UTS2B: variants seen among roughly 807,000 people sequenced by gnomAD.
The protein encoded by UTS2B is urotensin-2B.
In UTS2B, 21 loss-of-function variants were observed where a neutral mutation model predicts 19.2. The observed-to-expected ratio is 1.09, with a 90% confidence interval of 0.78 to 1.58. UTS2B has a LOEUF of 1.58. UTS2B is among the 40% of genes most tolerant of loss of function. The probability of loss-of-function intolerance (pLI) is 0.00; values close to 1 mark genes in which losing one functional copy is unlikely to be tolerated. For missense variants in UTS2B, 138 were observed against 130.3 expected (o/e 1.06, Z -0.29); for synonymous variants, 57 against 50.2 (o/e 1.14, Z -0.58).
intron 6 of UTS2B, 84 bp from the exon 7 acceptor site, chr3:191,276,928 G>T (rs1018611147): frequency 3.2e-6 from 4 of 1,241,284 alleles, no homozygotes; most frequent in African/African-American, 3.0e-5. Context: ...AAGATCTTAC[G>T]TAGAAAGCAT....
chr3:191,271,998 T>G (rs1716106689), intron 8 of UTS2B, among the ~76,000 whole-genome samples: 1 of 152,214 alleles, frequency 6.6e-6, no homozygotes, highest in African/African-American at 2.4e-5. Flanking sequence ...TGGGATCATG[T>G]GCATAGCTCT....
intron 5 of UTS2B, among the ~76,000 whole-genome samples, chr3:191,278,800 C>CT (rs1210741751): frequency 1.3e-5 from 2 of 151,984 alleles, no homozygotes; most frequent in Non-Finnish European, 2.9e-5. Flanking sequence ...AGACAAGAGA[C>CT]TTCTAGCAAG....
chr3:191,307,441 G>A (rs919240225), intron 3 of UTS2B, among the ~76,000 whole-genome samples: 4 of 152,118 alleles, frequency 2.6e-5, no homozygotes, highest in Admixed American at 1.3e-4. Context: ...AGAGGAAAAC[G>A]AAAAGTGGAG....
At chr3:191,324,964 C>T (rs1455978765) in intron 2 of UTS2B, among the ~76,000 whole-genome samples, 5 of 152,154 alleles carry the variant, frequency 3.3e-5, no homozygotes, top group Admixed American at 2.6e-4. Context: ...GCATGAGAAT[C>T]GCTTGAACCT....
chr3:191,269,887 G>A (rs750362006), intron 8 of UTS2B, among the ~76,000 whole-genome samples: 1 of 152,354 alleles, frequency 6.6e-6, no homozygotes, highest in Middle Eastern at 3.4e-3. Context: ...ACTGGTGGCA[G>A]AGCCAATTCC....
intron 1 of UTS2B, chr3:191,329,160 C>G (rs1353589675): frequency 6.4e-6 from 1 of 156,652 alleles, no homozygotes; most frequent in Non-Finnish European, 1.4e-5. Context: ...CACCTAAAGA[C>G]GCGACCCTCC....
Position 191,329,942 on chromosome 3 carries a change from TG to T in UTS2B, c.-665+471del, listed in dbSNP as rs34226642. ...GCCCGTTTTTTCTCAAGGGGGTGGT[TG>T]GGGGGGGGGGGGGCTAGCAGCAGCC... On this transcript the variant is annotated intron_variant, in intron 1 of 8. Transcript: ENST00000340524. 0.084 allele frequency among the ~76,000 whole-genome samples: 8,511 copies of T among 101,678 alleles called. 173 individuals carry two copies. The highest frequency in any genetic ancestry group is 0.097 in the Middle Eastern group (20 of 206). 66.7% of individuals were successfully genotyped at this position (101,678 alleles called of 152,430 possible).
At chr3:191,334,013 T>A (rs1365075809), upstream of UTS2B, among the ~76,000 whole-genome samples, 2 of 152,170 alleles carry the variant, frequency 1.3e-5, no homozygotes, top group Non-Finnish European at 2.9e-5. Context: ...TTAGTAAAAT[T>A]TTCTAAATGC....
chr3:191,310,862 T>A (rs1717282326), intron 3 of UTS2B, among the ~76,000 whole-genome samples: 1 of 152,240 alleles, frequency 6.6e-6, no homozygotes, highest in Admixed American at 6.5e-5. Context: ...CTTAAATATT[T>A]GACAAGGGGG....
At chr3:191,275,439 G>C (rs960392115) in intron 7 of UTS2B, 94 bp from the exon 8 acceptor site, 2 of 909,050 alleles carry the variant, frequency 2.2e-6, no homozygotes, top group Non-Finnish European at 3.5e-6. Flanking sequence ...CCAGCACTTC[G>C]GGAGGCCGAG....
chr3:191,316,565 T>C (rs1236634478), intron 2 of UTS2B, 126 bp from the exon 3 acceptor site: 1 of 152,262 alleles, frequency 6.6e-6, no homozygotes, highest in Non-Finnish European at 1.5e-5. Flanking sequence ...GATCGGTACA[T>C]TTTACAGAGA....
upstream of UTS2B, among the ~76,000 whole-genome samples, chr3:191,335,430 T>G (rs1436443008): frequency 6.6e-6 from 1 of 152,184 alleles, no homozygotes; most frequent in Non-Finnish European, 1.5e-5. Flanking sequence ...AGATCTTAGA[T>G]AAGACCTACA....
At chr3:191,334,852 T>TATC (rs1392813647), upstream of UTS2B, among the ~76,000 whole-genome samples, 5 of 152,204 alleles carry the variant, frequency 3.3e-5, no homozygotes, top group African/African-American at 1.2e-4. Flanking sequence ...AAGGATAATG[T>TATC]ATCATATGGA....
At chr3:191,311,000 AAAGGTTCTGC>A (rs1245218869) in intron 3 of UTS2B, among the ~76,000 whole-genome samples, 2 of 152,274 alleles carry the variant, frequency 1.3e-5, no homozygotes, top group African/African-American at 4.8e-5. Context: ...GAAGCAATTT[AAAGGTTCTGC>A]CAATATCTAA....
At chr3:191,313,930 C>T (rs910916085) in intron 3 of UTS2B, among the ~76,000 whole-genome samples, 7 of 151,976 alleles carry the variant, frequency 4.6e-5, no homozygotes, top group Non-Finnish European at 7.4e-5. Context: ...AGGGTTTCAC[C>T]ATGCTGGCGA....
At chr3:191,345,383 C>T in the UTS2B span, among the ~76,000 whole-genome samples, 124 of 152,228 alleles carry the variant, frequency 8.1e-4, no homozygotes, top group African/African-American at 2.8e-3. Context: ...TATCTGTGTT[C>T]GACAGTTTAA....
chr3:191,309,305 G>A (rs1361702301), intron 3 of UTS2B, among the ~76,000 whole-genome samples: 1 of 151,824 alleles, frequency 6.6e-6, no homozygotes, highest in Non-Finnish European at 1.5e-5. Context: ...GGGACTACAG[G>A]CGCCTACCAC....
At chr3:191,323,974 G>A (rs1185653283) in intron 2 of UTS2B, among the ~76,000 whole-genome samples, 1 of 152,170 alleles carries the variant, frequency 6.6e-6, no homozygotes, top group Non-Finnish European at 1.5e-5. Context: ...TGGCTTGAAT[G>A]TTGTGCCTTC....
intron 2 of UTS2B, among the ~76,000 whole-genome samples, chr3:191,320,080 C>T (rs1717574610): frequency 6.6e-6 from 1 of 152,100 alleles, no homozygotes; most frequent in East Asian, 1.9e-4. Flanking sequence ...GACAAAGTTT[C>T]AGTCTTTGTG....
Sources: gnomAD v4.1 joint callset for allele counts (sites outside exome capture counted in the v4.1 genomes callset) on GRCh38, gnomAD v4.1.1 for gene constraint, MANE v1.5 for transcripts, NCBI Gene and HGNC (gene_info 2026-07-23, HGNC 2026-07-21) for gene names.